The following RAPGEF1 variants were observed in gnomAD, a reference collection of about 807,000 sequenced individuals.
RAPGEF1 encodes CRK SH3-binding GNRP.
RAPGEF1 carries 33 observed loss-of-function variants against 143.3 expected under a neutral mutation model. That is an observed-to-expected ratio of 0.23 (90% CI 0.17 to 0.31). The LOEUF is 0.31. Ranked by LOEUF, RAPGEF1 falls within the 10% of genes least tolerant of loss-of-function variation. RAPGEF1 has a pLI of 1.00. For synonymous variants in RAPGEF1, 629 were observed against 676.5 expected, an observed-to-expected ratio of 0.93 and a Z score of 1.09; for missense variants, 1,199 against 1,645.4, an observed-to-expected ratio of 0.73 and a Z score of 4.69.
chr9:131,733,673 C>T (rs1056293728), intron 1 of RAPGEF1, among the ~76,000 whole-genome samples: 4 of 152,078 alleles, frequency 2.6e-5, no homozygotes, highest in Non-Finnish European at 5.9e-5. Flanking sequence ...GTCCCGGCGG[C>T]GAGGCGGCCG....
At chr9:131,633,826 T>C (rs534447104) in intron 5 of RAPGEF1, among the ~76,000 whole-genome samples, 2 of 152,286 alleles carry the variant, frequency 1.3e-5, no homozygotes, top group African/African-American at 4.8e-5. Flanking sequence ...AATGTGCACA[T>C]ATCTGGCTAC....
At chr9:131,637,019 A>G (rs917168288) in intron 5 of RAPGEF1, among the ~76,000 whole-genome samples, 3 of 152,148 alleles carry the variant, frequency 2.0e-5, no homozygotes, top group Admixed American at 6.5e-5. Flanking sequence ...TGAGGTCAGG[A>G]GTTCGAGACC....
In RAPGEF1 at chr9:131,709,653, A is replaced by G. The variant is rs1276564625; in HGVS notation, c.61+30117T>C. On this transcript the variant is annotated intron_variant, in intron 1 of 26. Transcript: ENST00000683357. The stretch of plus-strand genomic sequence containing the variant: ...CAGGGGTACAGATGACTTCGTTTCA[A>G]GGGCTTCTGTTTTTCAATAGCATTG... The G allele has an allele frequency of 5.6e-6, 9 of 1,613,878 alleles. No individual in the cohort carries two copies. The East Asian group carries it at 2.0e-4, about 36-fold the overall frequency.
intron 24 of RAPGEF1, 98 bp from the exon 25 acceptor site, chr9:131,582,800 A>AC (rs1952073675): frequency 4.7e-6 from 5 of 1,058,490 alleles, no homozygotes; most frequent in Non-Finnish European, 6.7e-6. Context: ...TGGAGGGTCA[A>AC]CCACCCTCTG....
intron 1 of RAPGEF1, among the ~76,000 whole-genome samples, chr9:131,693,465 G>A (rs555598454): frequency 4.1e-4 from 63 of 152,088 alleles, no homozygotes; most frequent in African/African-American, 1.5e-3. Context: ...AGAGAGAATA[G>A]CCAAATCCCC....
chr9:131,690,051 T>C (rs1283855341), intron 1 of RAPGEF1, among the ~76,000 whole-genome samples: 1 of 152,196 alleles, frequency 6.6e-6, no homozygotes, highest in East Asian at 1.9e-4. Context: ...TTAGGGCACA[T>C]GTTCCTAAAA....
intron 1 of RAPGEF1, among the ~76,000 whole-genome samples, chr9:131,663,626 G>C (rs775506199): frequency 6.6e-6 from 1 of 152,094 alleles, no homozygotes; most frequent in Non-Finnish European, 1.5e-5. Flanking sequence ...GAGGTCCCCC[G>C]TAAGTTGGAT....
At chr9:131,615,925 T>C (rs1198669362) in intron 12 of RAPGEF1, among the ~76,000 whole-genome samples, 1 of 152,166 alleles carries the variant, frequency 6.6e-6, no homozygotes, top group East Asian at 1.9e-4. Context: ...TGTGAACTTG[T>C]ATGTTACATA....
At chr9:131,632,129 C>T (rs62581416) in intron 5 of RAPGEF1, among the ~76,000 whole-genome samples, 32,610 of 147,342 alleles carry the variant, frequency 0.22, 4,151 homozygotes, top group Non-Finnish European at 0.29. Context: ...GATTGAGACT[C>T]TCTCTTTTTT....
At chr9:131,691,606 ATGT>A (rs1441300446) in intron 1 of RAPGEF1, among the ~76,000 whole-genome samples, 1 of 152,160 alleles carries the variant, frequency 6.6e-6, no homozygotes, top group Non-Finnish European at 1.5e-5. Flanking sequence ...TAATCCTAAA[ATGT>A]TGTGTTTTCA....
chr9:131,739,801 G>A lies in RAPGEF1; in HGVS notation c.30C>T (p.Ser10=). The change falls in exon 1 of 27, where the codon AGC becomes AGT. Residue 10 remains serine, a synonymous_variant. Coordinates refer to ENST00000683357, the MANE Select transcript of RAPGEF1 (RefSeq NM_001377935.1). MSGGLGLRR[S]PEMSGKIEKA... ...TCTCGATCTTGCCGGACATTTCCGGGCTGCGCCGGAGGCCGAGGCCGCCGC... is the reference window on the plus strand; with the variant it reads ...TCTCGATCTTGCCGGACATTTCCGGACTGCGCCGGAGGCCGAGGCCGCCGC... 3 of 1,162,268 alleles carry A rather than the reference G, an allele frequency of 2.6e-6. No homozygotes were observed. The highest frequency in any genetic ancestry group is 1.8e-5 in the South Asian group (1 of 55,652). The allele number at this position is 1,162,268 out of a possible 1,614,324, so 72.0% of individuals were successfully genotyped here.
At chr9:131,632,438 T>C (rs1474798699) in intron 5 of RAPGEF1, among the ~76,000 whole-genome samples, 2 of 151,930 alleles carry the variant, frequency 1.3e-5, no homozygotes, top group African/African-American at 4.8e-5. Context: ...AGACTCTGTC[T>C]CTTAAAAAAA....
chr9:131,597,444 C>T (rs1254531081), intron 16 of RAPGEF1, among the ~76,000 whole-genome samples: 7 of 152,250 alleles, frequency 4.6e-5, no homozygotes, highest in Non-Finnish European at 8.8e-5. Context: ...CCAGAGCCAG[C>T]GCATCCTTGC....
intron 1 of RAPGEF1, among the ~76,000 whole-genome samples, chr9:131,697,573 C>T (rs1029296965): frequency 8.5e-5 from 13 of 152,212 alleles, no homozygotes; most frequent in African/African-American, 2.9e-4. Context: ...GCAGCCACTG[C>T]AACAGAACAG....
chr9:131,707,938 G>A lies in RAPGEF1; in HGVS notation c.61+31832C>T, dbSNP rs148973618. ...ACAGTTCCTCATTATAATCCACCAT[G>A]GAGTTCATATTCAAATTTCCCGAAC... On this transcript the variant is annotated intron_variant, in intron 1 of 26. Transcript: ENST00000683357. Among the ~76,000 whole-genome samples, 467 of 152,216 alleles carry A rather than the reference G, an allele frequency of 3.1e-3. 1 individual carries two copies. Among genetic ancestry groups the A allele is most frequent in the Non-Finnish European group, 3.3e-3 (227 of 68,014 alleles).
At chr9:131,735,485 G>A (rs541855942) in intron 1 of RAPGEF1, among the ~76,000 whole-genome samples, 1 of 152,288 alleles carries the variant, frequency 6.6e-6, no homozygotes, top group East Asian at 1.9e-4. Context: ...TGTATTCAGG[G>A]CAGGCAGCAC....
At chr9:131,730,997 A>G (rs555020315) in intron 1 of RAPGEF1, among the ~76,000 whole-genome samples, 3 of 152,172 alleles carry the variant, frequency 2.0e-5, no homozygotes, top group African/African-American at 7.2e-5. Flanking sequence ...CACCCAAGTC[A>G]CACAGCCAAG....
chr9:131,642,569 T>C (rs547845086), intron 4 of RAPGEF1, among the ~76,000 whole-genome samples: 52 of 152,300 alleles, frequency 3.4e-4, no homozygotes, highest in Non-Finnish European at 5.9e-4. Context: ...AACCCACCAA[T>C]TAAAGCTCCC....
intron 1 of RAPGEF1, among the ~76,000 whole-genome samples, chr9:131,705,857 T>C (rs1835013141): frequency 6.6e-6 from 1 of 152,174 alleles, no homozygotes; most frequent in African/African-American, 2.4e-5. Flanking sequence ...TTTTTCACAC[T>C]AGTGTTCTGC....
Sources: gnomAD v4.1 joint callset for allele counts (sites outside exome capture counted in the v4.1 genomes callset) on GRCh38, gnomAD v4.1.1 for gene constraint, MANE v1.5 for transcripts, NCBI Gene and HGNC (gene_info 2026-07-23, HGNC 2026-07-21) for gene names.